ADAP1: variants seen among roughly 807,000 people sequenced by gnomAD.
ADAP1 encodes ArfGAP with dual PH domains 1.
In ADAP1, 31 loss-of-function variants were observed where a neutral mutation model predicts 54.9. That is an observed-to-expected ratio of 0.56 (90% CI 0.42 to 0.76). The LOEUF (loss-of-function observed/expected upper bound fraction) is 0.76. Among genes scored for constraint, ADAP1 ranks in the 30% least tolerant of loss-of-function variants. ADAP1 has a pLI of 0.00. For missense variants in ADAP1, 535 were observed against 512.4 expected (o/e 1.04, Z -0.42); for synonymous variants, 313 against 202.6 (o/e 1.55, Z -4.63).
intron 3 of ADAP1, among the ~76,000 whole-genome samples, chr7:925,198 G>A (rs115775693): frequency 0.013 from 2,020 of 151,978 alleles, 33 homozygotes; most frequent in African/African-American, 0.046. Context: ...AAACTGAGTC[G>A]CTCGTGGCCT....
At chr7:904,034 C>G in intron 6 of ADAP1, 92 bp downstream of exon 6, 1 of 1,550,176 alleles carries the variant, frequency 6.5e-7, no homozygotes, top group East Asian at 2.3e-5. Context: ...CCTACCCTCC[C>G]GTACCGTCCA....
At chr7:923,336 C>G (rs1846257119) in intron 3 of ADAP1, 1 of 151,910 alleles carries the variant, frequency 6.6e-6, no homozygotes, top group Non-Finnish European at 1.5e-5. Context: ...GCCGGTGCTG[C>G]CAGCAGCCAA....
upstream of ADAP1, among the ~76,000 whole-genome samples, chr7:954,981 G>A (rs556623325): frequency 2.0e-5 from 3 of 152,270 alleles, no homozygotes; most frequent in Admixed American, 6.5e-5. Context: ...GGCACCTGCC[G>A]AGCCCCCCAA....
At chr7:934,336 G>A (rs546522038) in intron 2 of ADAP1, among the ~76,000 whole-genome samples, 3 of 151,310 alleles carry the variant, frequency 2.0e-5, no homozygotes, top group South Asian at 4.2e-4. Context: ...TGGAGAACCA[G>A]GGGCTGGGAT....
chr7:950,299 C>T lies in ADAP1; in HGVS notation c.82+4097G>A, dbSNP rs866485967. Among the ~76,000 whole-genome samples the T allele has an allele frequency of 3.5e-4, 53 of 152,078 alleles. 1 individual carries two copies. Among genetic ancestry groups the T allele is most frequent in the Admixed American group, 8.5e-4 (13 of 15,286 alleles). On this transcript the variant is annotated intron_variant, in intron 1 of 10. Coordinates refer to ENST00000265846, the MANE Select transcript of ADAP1 (RefSeq NM_006869.4). Reference sequence around the variant, plus strand: ...AGGAGATCGAGACCGTCCTGGCTAACGTGGTGAAACCCCATCTCTACTAAA... The same window carrying T: ...AGGAGATCGAGACCGTCCTGGCTAATGTGGTGAAACCCCATCTCTACTAAA...
At chr7:925,468 C>T (rs530501885) in intron 3 of ADAP1, among the ~76,000 whole-genome samples, 36 of 150,650 alleles carry the variant, frequency 2.4e-4, no homozygotes, top group African/African-American at 8.7e-4. Context: ...GGCCTCCCCT[C>T]CACCCTATCC....
In ADAP1 at chr7:920,984, T is replaced by C. The variant is rs1396855106; in HGVS notation, c.306-934A>G. On this transcript the variant is annotated intron_variant, in intron 3 of 10. Coordinates refer to ENST00000265846, the MANE Select transcript of ADAP1 (RefSeq NM_006869.4). The surrounding 1 kb of genome is among the most constrained non-coding windows in gnomAD (Gnocchi z 4.5). Reference sequence around the variant, plus strand: ...GGGAATCCTCGCCCACAGGATCTGATGGGTGATGGGTCCCAGCTGGGTCTC... The same window carrying C: ...GGGAATCCTCGCCCACAGGATCTGACGGGTGATGGGTCCCAGCTGGGTCTC... 1.1e-6 allele frequency: 1 copy of C among 928,620 alleles called. No homozygotes were observed. The highest frequency in any genetic ancestry group is 1.6e-5 in the African/African-American group (1 of 60,934). The allele number at this position is 928,620 out of a possible 1,614,324, so 57.5% of individuals were successfully genotyped here. A position where few individuals can be genotyped will look rare whatever the true frequency, so the allele number is the denominator to read the frequency against.
chr7:899,303 C>T (rs778404855), intron 9 of ADAP1, 42 bp from the exon 10 acceptor site: 20 of 1,608,642 alleles, frequency 1.2e-5, no homozygotes, highest in African/African-American at 2.7e-5. Context: ...CATGTCCCTT[C>T]CAGCCCCGCT....
Position 905,292 on chromosome 7 carries a change from CACGGACAGGGGGAG to C in ADAP1, c.389-134_389-121del, listed in dbSNP as rs1357935006. ...AGACACGGGGGACACGGACGGGGGA[CACGGACAGGGGGAG>C]ACGGACGGGGAGAGGGGACATGGAG... On this transcript the variant is annotated intron_variant, in intron 4 of 10. Transcript: ENST00000265846. 4.8e-4 allele frequency: 133 copies of C among 277,880 alleles called. 16 individuals carry two copies. In the East Asian group the frequency reaches 5.8e-3, roughly 12 times the overall value. The allele number at this position is 277,880 out of a possible 1,614,324, so 17.2% of individuals were successfully genotyped here. A position where few individuals can be genotyped will look rare whatever the true frequency, so the allele number is the denominator to read the frequency against.
chr7:905,635 G>GGAAAGGGGAAAGGA (rs1845188271), intron 4 of ADAP1: 2 of 29,344 alleles, frequency 6.8e-5, no homozygotes, highest in Non-Finnish European at 6.3e-5. Flanking sequence ...AAGGAGAAAG[G>GGAAAGGGGAAAGGA]GAAAGGAGAA....
intron 6 of ADAP1, chr7:901,294 C>G (rs568189963): frequency 1.2e-4 from 40 of 329,354 alleles, no homozygotes; most frequent in African/African-American, 8.5e-4. Context: ...GGGGTCTGCC[C>G]AGACCCTTGG....
intron 4 of ADAP1, among the ~76,000 whole-genome samples, chr7:914,154 A>C (rs2128102121): frequency 6.6e-6 from 1 of 152,174 alleles, no homozygotes; most frequent in Non-Finnish European, 1.5e-5. Flanking sequence ...AGCCTCTAGG[A>C]GTTCTTGGTT....
At position 920,881 on chromosome 7, in the gene ADAP1, G is replaced by T; in HGVS notation, c.306-831C>A. The T allele has an allele frequency of 2.6e-6, 4 of 1,549,928 alleles. No individual in the cohort carries two copies. The highest frequency in any genetic ancestry group is 3.5e-6 in the Non-Finnish European group (4 of 1,146,748). ...GCCGCCCCAGCCTTTTCCACTCCCA[G>T]GGAATTACGCGGCAAAGAACAAATA... On this transcript the variant is annotated intron_variant, in intron 3 of 10. Transcript: ENST00000265846. This position sits in a 1 kb window ranked among gnomAD's most constrained non-coding sequence, Gnocchi z 4.5.
At chr7:904,967 C>A in intron 5 of ADAP1, 93 bp downstream of exon 5, 1 of 1,114,932 alleles carries the variant, frequency 9.0e-7, no homozygotes, top group South Asian at 1.3e-5. Flanking sequence ...GGGAGGGCAG[C>A]TGCGGATGGA....
chr7:905,114 C>G lies in ADAP1; in HGVS notation c.447G>C (p.Arg149=). 2 of 1,612,518 alleles carry G rather than the reference C, an allele frequency of 1.2e-6. No individual in the cohort carries two copies. The highest frequency in any genetic ancestry group is 1.7e-4 in the Middle Eastern group (1 of 6,060). Residue 149 remains arginine (R), a synonymous_variant, in exon 5 of 11, where the codon CGG becomes CGC. Transcript: ENST00000265846. ...RGRDNGQFLS[R]KFVLTEREGA... ...CCTCTCGTTCTGTCAGCACAAACTTCCGGCTCAAAAACTGCCCGTTGTCCC... is the reference window on the plus strand; with the variant it reads ...CCTCTCGTTCTGTCAGCACAAACTTGCGGCTCAAAAACTGCCCGTTGTCCC...
intron 2 of ADAP1, among the ~76,000 whole-genome samples, chr7:930,501 C>A (rs1243327676): frequency 2.7e-5 from 4 of 149,506 alleles, no homozygotes; most frequent in Non-Finnish European, 6.0e-5. Context: ...CATAGCAAGA[C>A]CCCATCACTA....
At chr7:919,673 A>G (rs1846089484) in intron 4 of ADAP1, among the ~76,000 whole-genome samples, 1 of 80,420 alleles carries the variant, frequency 1.2e-5, no homozygotes, top group South Asian at 4.8e-4. Flanking sequence ...AGAGAGACAG[A>G]AGGAGGGAGA....
chr7:907,943 G>A (rs1845544456), intron 4 of ADAP1, among the ~76,000 whole-genome samples: 2 of 152,162 alleles, frequency 1.3e-5, no homozygotes, highest in Non-Finnish European at 2.9e-5. Flanking sequence ...CCCCTCCAGG[G>A]GTCGCGGGGC....
intron 7 of ADAP1, 83 bp from the exon 8 acceptor site, chr7:900,247 C>T: frequency 1.3e-6 from 2 of 1,546,274 alleles, no homozygotes; most frequent in South Asian, 1.1e-5. Flanking sequence ...TCTGTGCTCC[C>T]CTCACCCCGG....
Sources: allele counts gnomAD v4.1 joint callset (sites outside exome capture counted in the v4.1 genomes callset), GRCh38; gene constraint gnomAD v4.1.1; non-coding constraint Gnocchi (gnomAD v3.1); transcripts MANE v1.5; gene names NCBI Gene and HGNC (gene_info 2026-07-23, HGNC 2026-07-21).